PCDH15: variants seen among roughly 807,000 people sequenced by gnomAD.
PCDH15 encodes the protein protocadherin related 15.
In PCDH15, 129 loss-of-function variants were observed where a neutral mutation model predicts 178.5. The observed-to-expected ratio is 0.72, with a 90% CI of 0.63 to 0.84. The LOEUF (loss-of-function observed/expected upper bound fraction) is 0.84. PCDH15 is among the 40% of genes least tolerant of loss of function. The probability of loss-of-function intolerance (pLI) is 0.00; values close to 1 mark genes in which losing one functional copy is unlikely to be tolerated. For synonymous variants in PCDH15, 800 were observed against 732.0 expected, an observed-to-expected ratio of 1.09 and a Z score of -1.50; for missense variants, 2,230 against 2,099.9, an observed-to-expected ratio of 1.06 and a Z score of -1.21.
intron 2 of PCDH15, among the ~76,000 whole-genome samples, chr10:55,483,815 CAA>C (rs71014494): frequency 0.43 from 47,494 of 110,694 alleles, 8,572 homozygotes; most frequent in East Asian, 0.81. Context: ...GACTCCATCT[CAA>C]AAAAAAAAAA....
intron 4 of PCDH15, among the ~76,000 whole-genome samples, chr10:54,372,634 G>C (rs1414248220): frequency 6.6e-6 from 1 of 151,724 alleles, no homozygotes; most frequent in African/African-American, 2.4e-5. Context: ...GGGAAATTTT[G>C]CTTTATCTTT....
At chr10:54,778,648 G>A (rs1949959966) in intron 1 of PCDH15, among the ~76,000 whole-genome samples, 1 of 152,040 alleles carries the variant, frequency 6.6e-6, no homozygotes. Flanking sequence ...TTAAAATTGG[G>A]ATGTATTCAG....
At chr10:55,586,758 C>T (rs546556991) in intron 2 of PCDH15, among the ~76,000 whole-genome samples, 117 of 152,120 alleles carry the variant, frequency 7.7e-4, no homozygotes, top group African/African-American at 2.8e-3. Flanking sequence ...TATTAACAGG[C>T]TATATTGGTA....
chr10:55,291,047 T>C (rs1842995274), intron 1 of PCDH15, among the ~76,000 whole-genome samples: 1 of 152,178 alleles, frequency 6.6e-6, no homozygotes, highest in Admixed American at 6.6e-5. Flanking sequence ...CTGGTGTTTA[T>C]AATGACATTC....
At chr10:54,462,904 T>C (rs2077286086) in intron 3 of PCDH15, among the ~76,000 whole-genome samples, 1 of 151,936 alleles carries the variant, frequency 6.6e-6, no homozygotes, top group Non-Finnish European at 1.5e-5. Flanking sequence ...TTCCTTTAGT[T>C]TGTATTGTGT....
intron 10 of PCDH15, among the ~76,000 whole-genome samples, chr10:54,196,834 C>T (rs866432207): frequency 6.6e-6 from 1 of 152,122 alleles, no homozygotes; most frequent in Admixed American, 6.5e-5. Flanking sequence ...CACGTGAGAA[C>T]AAGTAAGAAG....
upstream of PCDH15, among the ~76,000 whole-genome samples, chr10:54,804,683 T>TA (rs1301703081): frequency 1.3e-5 from 2 of 151,658 alleles, no homozygotes; most frequent in Non-Finnish European, 2.9e-5. Context: ...GTATTTTTCA[T>TA]AAAAAAGTAT....
chr10:54,591,904 C>T lies in PCDH15; in HGVS notation c.92-64027G>A, dbSNP rs529244006. Among the ~76,000 whole-genome samples the T allele has an allele frequency of 1.1e-4, 17 of 152,222 alleles. No homozygotes were observed. In the East Asian group the frequency reaches 1.9e-3, roughly 17 times the overall value. ...AATATGTCTCATTCAGTCCCAACTA[C>T]GCTCAACATGACCCAATCTTGTCAG... On this transcript the variant is annotated intron_variant, in intron 2 of 37. Coordinates refer to ENST00000644397, the MANE Select transcript of PCDH15 (RefSeq NM_001384140.1).
intron 18 of PCDH15, among the ~76,000 whole-genome samples, chr10:54,065,506 T>TG (rs1377712609): frequency 5.3e-5 from 8 of 152,126 alleles, no homozygotes; most frequent in Admixed American, 3.3e-4. Context: ...TACTACAGTG[T>TG]GGGGAGCAGA....
chr10:55,035,112 G>A (rs1564735948), intron 2 of PCDH15, among the ~76,000 whole-genome samples: 1 of 151,754 alleles, frequency 6.6e-6, no homozygotes, highest in South Asian at 2.1e-4. Context: ...TCCAACATAG[G>A]GAATCTTAAT....
intron 3 of PCDH15, among the ~76,000 whole-genome samples, chr10:54,422,980 C>A (rs1955740872): frequency 6.6e-6 from 1 of 152,068 alleles, no homozygotes; most frequent in South Asian, 2.1e-4. Flanking sequence ...TGCCTAATAT[C>A]TCTTTTGAAG....
At chr10:54,697,310 G>T (rs1204236715) in intron 1 of PCDH15, among the ~76,000 whole-genome samples, 1 of 151,664 alleles carries the variant, frequency 6.6e-6, no homozygotes, top group Non-Finnish European at 1.5e-5. Context: ...TATTTCTGTT[G>T]TGAAATTATT....
rs760309437 is a variant in PCDH15 at position 54,346,393 on chromosome 10, T to C, written c.566A>G (p.Tyr189Cys). Residue 189 changes from tyrosine (Y) to cysteine (C), a missense_variant, in exon 6 of 38, where the codon TAT becomes TGT. Coordinates refer to ENST00000644397, the MANE Select transcript of PCDH15 (RefSeq NM_001384140.1). Reference sequence around the variant, plus strand: ...ATCATCTGGATTATACTGAATAACATACTCTATCTGTCCATTTGGTCCATC... The same window carrying C: ...ATCATCTGGATTATACTGAATAACACACTCTATCTGTCCATTTGGTCCATC... ...IDDGPNGQIE[Y>C]VIQYNPDDPT... is the part of the protein sequence containing the mutation. 1.9e-6 allele frequency: 3 copies of C among 1,613,356 alleles called. No homozygotes were observed. Among genetic ancestry groups the C allele is most frequent in the Non-Finnish European group, 2.5e-6 (3 of 1,179,500 alleles).
Position 55,285,992 on chromosome 10 carries a change from G to A in PCDH15, c.-156+33607C>T, listed in dbSNP as rs114884539. ...AGTTGTTTCATTTCTTTTGATTTTCGTGCATTATTCAAAGATTTAAACAAT... is the reference window on the plus strand; with the variant it reads ...AGTTGTTTCATTTCTTTTGATTTTCATGCATTATTCAAAGATTTAAACAAT... On this transcript the variant is annotated intron_variant, in intron 1 of 5. Coordinates refer to the PCDH15 transcript ENST00000458638. Among the ~76,000 whole-genome samples the A allele has an allele frequency of 3.0e-3, 453 of 151,770 alleles. 1 individual carries two copies. Among genetic ancestry groups the A allele is most frequent in the African/African-American group, 0.01 (428 of 41,440 alleles).
intron 1 of PCDH15, among the ~76,000 whole-genome samples, chr10:55,210,628 T>C (rs1840541519): frequency 8.3e-6 from 1 of 121,040 alleles, no homozygotes; most frequent in Non-Finnish European, 1.7e-5. Context: ...CTTTTTTTTT[T>C]TTTTTTTTTT....
At chr10:54,560,602 G>A (rs61853629) in intron 2 of PCDH15, among the ~76,000 whole-genome samples, 1,811 of 152,000 alleles carry the variant, frequency 0.012, 22 homozygotes, top group Middle Eastern at 0.024. Flanking sequence ...CCTTTCAAAA[G>A]AATGTACATA....
chr10:54,052,363 C>T lies in PCDH15; in HGVS notation c.2220+14394G>A, dbSNP rs373225162. ...ACCAAAGGGTTGAAGCTTCCCACGGCTATGGGAGTGTCACTCTTGCATCAG... is the reference window on the plus strand; with the variant it reads ...ACCAAAGGGTTGAAGCTTCCCACGGTTATGGGAGTGTCACTCTTGCATCAG... On this transcript the variant is annotated intron_variant, in intron 18 of 37. Transcript: ENST00000644397. Among the ~76,000 whole-genome samples the T allele has an allele frequency of 4.3e-4, 65 of 152,296 alleles. 1 individual carries two copies. The South Asian group carries it at 0.01, about 24-fold the overall frequency.
chr10:55,293,030 G>A (rs377561007), intron 1 of PCDH15, among the ~76,000 whole-genome samples: 7 of 152,256 alleles, frequency 4.6e-5, no homozygotes, highest in South Asian at 2.1e-4. Context: ...CATGAGGGCC[G>A]GGCCCCTGCA....
At chr10:54,138,987 TAA>T (rs1489899685) in intron 14 of PCDH15, among the ~76,000 whole-genome samples, 1 of 152,158 alleles carries the variant, frequency 6.6e-6, no homozygotes, top group Non-Finnish European at 1.5e-5. Context: ...TCAAATGAGT[TAA>T]GTCAACCACA....
Sources: gnomAD v4.1 joint callset for allele counts (sites outside exome capture counted in the v4.1 genomes callset) on GRCh38, gnomAD v4.1.1 for gene constraint, MANE v1.5 for transcripts, NCBI Gene and HGNC (gene_info 2026-07-23, HGNC 2026-07-21) for gene names.